The following TEX11 variants were observed in gnomAD, a reference collection of about 807,000 sequenced individuals.
TEX11 encodes the protein testis expressed 11, also known as testis-expressed protein 11.
TEX11 carries 7 observed loss-of-function variants against 84.4 expected under a neutral mutation model. That is an observed-to-expected ratio of 0.08 (90% CI 0.05 to 0.16). The LOEUF (loss-of-function observed/expected upper bound fraction) is 0.16, where lower values mean the gene tolerates loss of function less well. TEX11 is among the 10% of genes least tolerant of loss of function. The probability of loss-of-function intolerance (pLI) is 1.00; values close to 1 mark genes in which losing one functional copy is unlikely to be tolerated. For synonymous variants in TEX11, 264 were observed against 222.8 expected, an observed-to-expected ratio of 1.18 and a Z score of -1.64; for missense variants, 551 against 660.5, an observed-to-expected ratio of 0.83 and a Z score of 1.82.
intron 7 of TEX11, among the ~76,000 whole-genome samples, chrX:70,843,516 C>T (rs2091460105): frequency 9.0e-6 from 1 of 111,704 alleles, no homozygotes; most frequent in African/African-American, 3.3e-5. Flanking sequence ...TAGAAGAAAA[C>T]CTAGGCAATA....
At chrX:70,564,811 A>T (rs1395199647) in intron 25 of TEX11, among the ~76,000 whole-genome samples, 1 of 109,828 alleles carries the variant, frequency 9.1e-6, no homozygotes, top group African/African-American at 3.3e-5. Flanking sequence ...TCATTGTTGG[A>T]CATTTGGGTT....
chrX:70,574,915 A>G (rs2088653770), intron 25 of TEX11, among the ~76,000 whole-genome samples: 1 of 111,157 alleles, frequency 9.0e-6, no homozygotes, highest in Non-Finnish European at 1.9e-5. Context: ...GGGCAAATAC[A>G]AAGGCCCAGA....
intron 17 of TEX11, among the ~76,000 whole-genome samples, chrX:70,636,310 C>T (rs756604750): frequency 9.0e-6 from 1 of 111,204 alleles, no homozygotes; most frequent in East Asian, 2.8e-4. Flanking sequence ...AACTCCAGGC[C>T]AGCTCCAGGC....
intron 2 of TEX11, among the ~76,000 whole-genome samples, chrX:70,881,021 A>C (rs868631323): frequency 1.1e-5 from 1 of 94,469 alleles, no homozygotes; most frequent in African/African-American, 3.5e-5. Context: ...AAAAAAAAAA[A>C]AAAAAAAAAC....
chrX:70,538,376 C>A (rs1288550158), intron 28 of TEX11, among the ~76,000 whole-genome samples: 1 of 111,324 alleles, frequency 9.0e-6, no homozygotes, highest in African/African-American at 3.3e-5. Context: ...GAGCCAGAGA[C>A]CAATTAGGAA....
the TEX11 span, among the ~76,000 whole-genome samples, chrX:70,512,946 G>T: frequency 5.5e-5 from 6 of 109,258 alleles, no homozygotes; most frequent in African/African-American, 2.0e-4. Flanking sequence ...CACCAAAGGG[G>T]ACATGGAAAT....
chrX:70,715,662 C>G (rs1372525601), intron 13 of TEX11, among the ~76,000 whole-genome samples: 2 of 111,987 alleles, frequency 1.8e-5, no homozygotes, highest in Non-Finnish European at 3.8e-5. Context: ...AAGGACTTCT[C>G]TGCATTGGTT....
At chrX:70,842,235 A>C (rs947189301) in intron 7 of TEX11, among the ~76,000 whole-genome samples, 1 of 111,735 alleles carries the variant, frequency 8.9e-6, no homozygotes, top group Admixed American at 9.6e-5. Flanking sequence ...ATCCTCAGTA[A>C]AATACTCACA....
intron 16 of TEX11, among the ~76,000 whole-genome samples, chrX:70,654,918 A>G (rs2089849084): frequency 9.1e-6 from 1 of 109,783 alleles, no homozygotes; most frequent in Non-Finnish European, 1.9e-5. Context: ...TAAAAGTTCA[A>G]AGTAAAGGGA....
intron 25 of TEX11, among the ~76,000 whole-genome samples, chrX:70,567,729 T>G (rs1169946975): frequency 3.6e-5 from 4 of 111,910 alleles, no homozygotes; most frequent in African/African-American, 9.7e-5. Context: ...GTGAGTTTCT[T>G]AATCCTGAGT....
chrX:70,755,516 C>T (rs1038871038), intron 9 of TEX11, among the ~76,000 whole-genome samples: 4 of 111,512 alleles, frequency 3.6e-5, no homozygotes, highest in Non-Finnish European at 7.5e-5. Flanking sequence ...TGAAGCAGAC[C>T]TACAAGATCT....
intron 25 of TEX11, among the ~76,000 whole-genome samples, chrX:70,560,858 G>A (rs1434634490): frequency 1.0e-5 from 1 of 96,498 alleles, no homozygotes; most frequent in East Asian, 3.5e-4. Context: ...AAGTAGCTGT[G>A]ACCACTGTGA....
At chrX:70,534,850 T>G (rs756914970) in intron 28 of TEX11, among the ~76,000 whole-genome samples, 2 of 111,676 alleles carry the variant, frequency 1.8e-5, no homozygotes, top group South Asian at 7.6e-4. Context: ...ATTCACAGAG[T>G]TCTGCCACCA....
chrX:70,830,715 T>G (rs1214322516), intron 8 of TEX11, among the ~76,000 whole-genome samples: 1 of 111,321 alleles, frequency 9.0e-6, no homozygotes, highest in Admixed American at 9.6e-5. Flanking sequence ...GAAAAAATGC[T>G]CAACATCACT....
At chrX:70,656,254 G>A (rs969946835) in intron 16 of TEX11, among the ~76,000 whole-genome samples, 2 of 86,927 alleles carry the variant, frequency 2.3e-5, no homozygotes, top group East Asian at 4.2e-4. Flanking sequence ...TAAGACCCCC[G>A]TCTCAACAAA....
In TEX11 at chrX:70,828,014, G is replaced by A. The variant is rs149126968; in HGVS notation, c.606+5499C>T. Among the ~76,000 whole-genome samples, 482 of 111,896 alleles carry A rather than the reference G, an allele frequency of 4.3e-3. 2 individuals carry two copies. The highest frequency in any genetic ancestry group is 6.1e-3 in the Non-Finnish European group (325 of 53,146). ...GAGAATTCTTTCAGATGTTATCCAA[G>A]GTCATCAAGGAGTACCCTTTATGGG... is the stretch of plus-strand genomic sequence containing the variant. On this transcript the variant is annotated intron_variant, in intron 8 of 29. Coordinates refer to ENST00000374333, the MANE Select transcript of TEX11 (RefSeq NM_031276.3).
At chrX:70,876,908 AAAACAAACAAAC>A (rs767494813) in intron 3 of TEX11, among the ~76,000 whole-genome samples, 1 of 110,384 alleles carries the variant, frequency 9.1e-6, no homozygotes, top group African/African-American at 3.3e-5. Context: ...ACTGTCTCAA[AAAACAAACAAAC>A]AAACAAACAA....
intron 20 of TEX11, among the ~76,000 whole-genome samples, chrX:70,616,136 A>G: frequency 9.0e-6 from 1 of 111,561 alleles, no homozygotes; most frequent in East Asian, 2.8e-4. Flanking sequence ...AAAACACAAT[A>G]TTATAGCACT....
intron 2 of TEX11, among the ~76,000 whole-genome samples, chrX:70,882,429 T>C (rs913116019): frequency 9.0e-6 from 1 of 110,682 alleles, no homozygotes; most frequent in African/African-American, 3.3e-5. Context: ...GCAATTCTCC[T>C]GCCTCAGCCT....
Sources: gnomAD v4.1 joint callset for allele counts (sites outside exome capture counted in the v4.1 genomes callset) on GRCh38, gnomAD v4.1.1 for gene constraint, MANE v1.5 for transcripts, NCBI Gene and HGNC (gene_info 2026-07-23, HGNC 2026-07-21) for gene names.